SLC25A12: variants seen among roughly 807,000 people sequenced by gnomAD.
SLC25A12 encodes electrogenic aspartate/glutamate antiporter SLC25A12, mitochondrial.
SLC25A12 carries 32 observed loss-of-function variants against 83.3 expected under a neutral mutation model. That is an observed-to-expected ratio of 0.38 (90% CI 0.29 to 0.52). The LOEUF (loss-of-function observed/expected upper bound fraction) is 0.52. Ranked by LOEUF, SLC25A12 falls within the 20% of genes least tolerant of loss-of-function variation. The pLI, the probability that SLC25A12 is intolerant of heterozygous loss-of-function variation, is 0.84. For synonymous variants in SLC25A12, 267 were observed against 291.1 expected, an observed-to-expected ratio of 0.92 and a Z score of 0.84; for missense variants, 611 against 835.6, an observed-to-expected ratio of 0.73 and a Z score of 3.31.
chr2:171,838,134 A>T (rs1305178505), intron 5 of SLC25A12, among the ~76,000 whole-genome samples: 1 of 152,202 alleles, frequency 6.6e-6, no homozygotes, highest in Non-Finnish European at 1.5e-5. Context: ...ACTCTTTGCA[A>T]CTCTGTAAAT....
At chr2:171,845,033 C>T (rs1684763639) in intron 4 of SLC25A12, among the ~76,000 whole-genome samples, 3 of 152,122 alleles carry the variant, frequency 2.0e-5, no homozygotes, top group Admixed American at 2.0e-4. Flanking sequence ...AGCTCAGCAG[C>T]AAGCACCTTA....
intron 9 of SLC25A12, among the ~76,000 whole-genome samples, chr2:171,816,560 G>T (rs892849726): frequency 1.3e-5 from 2 of 151,692 alleles, no homozygotes; most frequent in African/African-American, 2.4e-5. Flanking sequence ...TTTAAATTTT[G>T]TATTTTTTTA....
intron 13 of SLC25A12, among the ~76,000 whole-genome samples, chr2:171,796,961 A>T (rs1683609650): frequency 6.6e-6 from 1 of 152,226 alleles, no homozygotes; most frequent in East Asian, 1.9e-4. Flanking sequence ...ACTGGTAATA[A>T]ATCAAGCAAC....
chr2:171,797,159 TAA>T (rs1279166112), intron 13 of SLC25A12, among the ~76,000 whole-genome samples: 1 of 152,208 alleles, frequency 6.6e-6, no homozygotes. Context: ...GAGAATTTCA[TAA>T]ATACAGTAAC....
chr2:171,786,985 C>G (rs954296407), intron 17 of SLC25A12, among the ~76,000 whole-genome samples: 2 of 152,210 alleles, frequency 1.3e-5, no homozygotes, highest in African/African-American at 4.8e-5. Flanking sequence ...ATAATGAGAA[C>G]GCCATGAAGT....
At chr2:171,808,054 A>G (rs1321785297) in intron 13 of SLC25A12, among the ~76,000 whole-genome samples, 1 of 152,260 alleles carries the variant, frequency 6.6e-6, no homozygotes, top group African/African-American at 2.4e-5. Context: ...AGTTTTAGCC[A>G]AGACTGTCAG....
intron 3 of SLC25A12, among the ~76,000 whole-genome samples, chr2:171,864,213 C>T (rs535177313): frequency 2.0e-5 from 3 of 152,276 alleles, no homozygotes; most frequent in Admixed American, 6.5e-5. Context: ...AAGTTTGTCA[C>T]ACAAGCACCT....
chr2:171,807,783 C>T (rs1683865730), intron 13 of SLC25A12, among the ~76,000 whole-genome samples: 1 of 152,316 alleles, frequency 6.6e-6, no homozygotes, highest in East Asian at 1.9e-4. Flanking sequence ...GTTAACTCTT[C>T]ATTAAAAAAG....
At chr2:171,827,465 G>T (rs1490707265) in intron 8 of SLC25A12, among the ~76,000 whole-genome samples, 2 of 151,992 alleles carry the variant, frequency 1.3e-5, no homozygotes, top group Non-Finnish European at 2.9e-5. Context: ...CCTCTGATTG[G>T]TTGTAGGCTG....
In SLC25A12 at chr2:171,837,057, C is replaced by T. The variant is rs936638973; in HGVS notation, c.612+64G>A. The stretch of plus-strand genomic sequence containing the variant: ...AGTCATATGAGTCCCTGGAGGCAAT[C>T]CAGGACTCAATGGATCAAAAGGTTT... On this transcript the variant is annotated intron_variant, in intron 6 of 17. Coordinates refer to ENST00000422440, the MANE Select transcript of SLC25A12 (RefSeq NM_003705.5). The T allele has an allele frequency of 9.0e-6, 14 of 1,549,058 alleles. No individual in the cohort carries two copies. The Admixed American group carries it at 2.4e-4, about 26-fold the overall frequency.
intron 13 of SLC25A12, among the ~76,000 whole-genome samples, chr2:171,801,416 T>C (rs1320909487): frequency 2.0e-5 from 3 of 152,222 alleles, no homozygotes; most frequent in African/African-American, 7.2e-5. Context: ...CTTTGAAAAT[T>C]CTAGGTTGAC....
chr2:171,890,477 C>CTGTGTGTGTGTGTGTGTGTGTG (rs34728188), intron 2 of SLC25A12, among the ~76,000 whole-genome samples: 4 of 149,308 alleles, frequency 2.7e-5, no homozygotes, highest in South Asian at 4.3e-4. Context: ...TCGTGTGTGT[C>CTGTGTGTGTGTGTGTGTGTGTG]TGTGTGTGTG....
At chr2:171,867,234 G>A (rs1388988007) in intron 3 of SLC25A12, among the ~76,000 whole-genome samples, 6 of 150,726 alleles carry the variant, frequency 4.0e-5, no homozygotes, top group Admixed American at 3.3e-4. Flanking sequence ...ACGGGGTGGC[G>A]GCCGGGCAGA....
chr2:171,839,519 G>A (rs1684628702), intron 5 of SLC25A12, among the ~76,000 whole-genome samples: 1 of 152,128 alleles, frequency 6.6e-6, no homozygotes, highest in Admixed American at 6.6e-5. Context: ...AATTAGCAGA[G>A]CTTCAGAAAC....
chr2:171,808,926 T>C (rs1446345143), intron 13 of SLC25A12, among the ~76,000 whole-genome samples: 1 of 145,480 alleles, frequency 6.9e-6, no homozygotes, highest in African/African-American at 2.5e-5. Context: ...CATTGTTCAA[T>C]TCCCACCTAT....
At chr2:171,862,499 C>T (rs930613722) in intron 3 of SLC25A12, among the ~76,000 whole-genome samples, 2 of 152,138 alleles carry the variant, frequency 1.3e-5, no homozygotes, top group South Asian at 2.1e-4. Flanking sequence ...CACCCATATC[C>T]AAACACTCCT....
intron 14 of SLC25A12, among the ~76,000 whole-genome samples, chr2:171,792,648 C>T (rs1683504496): frequency 6.6e-6 from 1 of 151,088 alleles, no homozygotes; most frequent in Non-Finnish European, 1.5e-5. Flanking sequence ...AAAAAAAATC[C>T]AAGGACTCGC....
intron 4 of SLC25A12, among the ~76,000 whole-genome samples, chr2:171,850,104 G>A (rs555439082): frequency 2.0e-5 from 3 of 150,894 alleles, no homozygotes; most frequent in African/African-American, 4.9e-5. Context: ...ATGCCTGGCC[G>A]CCATAGAATT....
intron 2 of SLC25A12, among the ~76,000 whole-genome samples, chr2:171,872,777 G>A (rs894838195): frequency 2.0e-5 from 3 of 152,076 alleles, no homozygotes; most frequent in African/African-American, 7.2e-5. Context: ...TGGAGAGAAT[G>A]GGTATTTCAA....
Sources: allele counts gnomAD v4.1 joint callset (sites outside exome capture counted in the v4.1 genomes callset), GRCh38; gene constraint gnomAD v4.1.1; transcripts MANE v1.5; gene names NCBI Gene and HGNC (gene_info 2026-07-23, HGNC 2026-07-21).